The following LHPP variants were observed in gnomAD, a reference collection of about 807,000 sequenced individuals.
The protein encoded by LHPP is phospholysine phosphohistidine inorganic pyrophosphate phosphatase.
In LHPP, 24 loss-of-function variants were observed where a neutral mutation model predicts 30.3. The observed-to-expected ratio is 0.79, with a 90% CI of 0.57 to 1.11. The LOEUF (loss-of-function observed/expected upper bound fraction) is 1.11. Among genes scored for constraint, LHPP ranks in the 50% most tolerant of loss-of-function variants. LHPP has a pLI of 0.00. For missense variants in LHPP, 356 were observed against 367.2 expected (o/e 0.97, Z 0.25); for synonymous variants, 150 against 157.1 (o/e 0.95, Z 0.34).
chr10:124,508,420 G>A (rs1488927068), intron 5 of LHPP, among the ~76,000 whole-genome samples: 1 of 152,134 alleles, frequency 6.6e-6, no homozygotes, highest in Non-Finnish European at 1.5e-5. Flanking sequence ...TGGAAACTCT[G>A]TCCACCGATG....
chr10:124,503,369 A>G (rs564966339), intron 5 of LHPP, among the ~76,000 whole-genome samples: 1 of 151,928 alleles, frequency 6.6e-6, no homozygotes, highest in Non-Finnish European at 1.5e-5. Context: ...TCCGGCCTTC[A>G]TTGGTGTATT....
intron 6 of LHPP, among the ~76,000 whole-genome samples, chr10:124,524,446 T>G (rs1239089912): frequency 6.6e-6 from 1 of 151,954 alleles, no homozygotes; most frequent in Non-Finnish European, 1.5e-5. Context: ...CCAACTAATT[T>G]ATGTATTTTT....
At position 124,499,648 on chromosome 10, in the gene LHPP, CCTT is replaced by C. The variant is rs566822225; in HGVS notation, c.624+1524_624+1526del. Among the ~76,000 whole-genome samples the C allele has an allele frequency of 1.8e-3, 270 of 151,958 alleles. 3 individuals are homozygous for C. The Middle Eastern group carries it at 0.034, about 19-fold the overall frequency. ...TCCACCTGGGTGATAGAGTGAGACT[CCTT>C]CTTTAAAAAAAAGAAAAAAGAAACA... is the stretch of plus-strand genomic sequence containing the variant. On this transcript the variant is annotated intron_variant, in intron 5 of 6. Transcript: ENST00000368842.
At chr10:124,481,806 AG>A (rs1953145482) in intron 1 of LHPP, among the ~76,000 whole-genome samples, 1 of 152,200 alleles carries the variant, frequency 6.6e-6, no homozygotes, top group Non-Finnish European at 1.5e-5. Flanking sequence ...CCTGTGCGCA[AG>A]GTGGGTGGCC....
chr10:124,472,163 A>G (rs1380787985), intron 1 of LHPP, among the ~76,000 whole-genome samples: 1 of 151,022 alleles, frequency 6.6e-6, no homozygotes, highest in East Asian at 1.9e-4. Context: ...ATATACAAAA[A>G]TCAGCTGGGT....
intron 6 of LHPP, among the ~76,000 whole-genome samples, chr10:124,529,558 G>A (rs4614397): frequency 0.52 from 79,492 of 151,820 alleles, 21,491 homozygotes; most frequent in South Asian, 0.68. Flanking sequence ...CCTCATTACT[G>A]AGCAAAAATT....
rs1948890617 is a variant in LHPP, at chr10:124,592,343, G to A, written c.717-20921G>A. Among the ~76,000 whole-genome samples, 1 of 152,146 alleles carries A rather than the reference G, an allele frequency of 6.6e-6. No individual in the cohort carries two copies. Among genetic ancestry groups the A allele is most frequent in the Admixed American group, 6.5e-5 (1 of 15,276 alleles). ...ATCACCCTCACTCACCCAGCCCCGG[G>A]CTGGCCCTGTCAGCTCTCGAACTGC... On this transcript the variant is annotated intron_variant, in intron 6 of 6. Transcript: ENST00000368842. The surrounding 1 kb of genome is among the most constrained non-coding windows in gnomAD (Gnocchi z 6.2).
rs144800613 is a variant in LHPP at position 124,478,694 on chromosome 10, G to C, written c.126-5445G>C. Among the ~76,000 whole-genome samples the C allele has an allele frequency of 6.6e-6, 1 of 152,190 alleles. No individual in the cohort carries two copies. The highest frequency in any genetic ancestry group is 1.5e-5 in the Non-Finnish European group (1 of 68,040). On this transcript the variant is annotated intron_variant, in intron 1 of 6. Transcript: ENST00000368842. The surrounding 1 kb of genome is among the most constrained non-coding windows in gnomAD (Gnocchi z 4.7). The stretch of plus-strand genomic sequence containing the variant: ...TCATCTGATGCACGGTAATTGCCCC[G>C]GGCGATGTTGTCACTCAGAGGCTCG...
intron 1 of LHPP, among the ~76,000 whole-genome samples, chr10:124,468,717 G>A (rs552381318): frequency 2.6e-5 from 4 of 152,290 alleles, no homozygotes; most frequent in East Asian, 3.9e-4. Flanking sequence ...TTCGGCTCTC[G>A]GCAGACCTTG....
chr10:124,462,275 G>A (rs760083200), intron 1 of LHPP, among the ~76,000 whole-genome samples: 2 of 152,216 alleles, frequency 1.3e-5, no homozygotes, highest in Non-Finnish European at 2.9e-5. Context: ...ATTGAGATGT[G>A]CTGTAAGCGT....
rs1948387141 is a variant in LHPP, at chr10:124,561,037, T to G, written c.716+43766T>G. Among the ~76,000 whole-genome samples the G allele has an allele frequency of 2.6e-5, 4 of 152,118 alleles. No individual in the cohort carries two copies. The South Asian group carries it at 8.3e-4, about 32-fold the overall frequency. ...CAGACTGACCAGGGACCTCAGGACC[T>G]GGGGATCAGTGGAGGGGTGAATTCC... On this transcript the variant is annotated intron_variant, in intron 6 of 6. Coordinates refer to ENST00000368842, the MANE Select transcript of LHPP (RefSeq NM_022126.4).
chr10:124,468,126 A>T (rs550196738), intron 1 of LHPP, among the ~76,000 whole-genome samples: 1 of 152,160 alleles, frequency 6.6e-6, no homozygotes, highest in Non-Finnish European at 1.5e-5. Context: ...TTTTGAGCAG[A>T]TGACCCCCAC....
Position 124,559,280 on chromosome 10 carries a change from A to G in LHPP, c.716+42009A>G, listed in dbSNP as rs201249389. Among the ~76,000 whole-genome samples the G allele has an allele frequency of 1.3e-4, 20 of 152,326 alleles. No individual in the cohort carries two copies. The East Asian group carries it at 3.7e-3, about 28-fold the overall frequency. On this transcript the variant is annotated intron_variant, in intron 6 of 6. Coordinates refer to ENST00000368842, the MANE Select transcript of LHPP (RefSeq NM_022126.4). ...TCTGAAGATGAGTTTGAAGTTAGGAATGTTTGCTGAGTTGGCCTGGATATT... is the reference window on the plus strand; with the variant it reads ...TCTGAAGATGAGTTTGAAGTTAGGAGTGTTTGCTGAGTTGGCCTGGATATT...
At chr10:124,552,105 T>TG (rs1477272567) in intron 6 of LHPP, among the ~76,000 whole-genome samples, 2 of 152,078 alleles carry the variant, frequency 1.3e-5, no homozygotes, top group African/African-American at 4.8e-5. Context: ...TGGCAGGGCC[T>TG]GGCACTCCAG....
intron 6 of LHPP, among the ~76,000 whole-genome samples, chr10:124,602,658 C>T (rs529189492): frequency 3.2e-4 from 49 of 152,296 alleles, no homozygotes; most frequent in Non-Finnish European, 5.9e-4. Flanking sequence ...ACAGGTCAGC[C>T]GGGGCAGGCT....
chr10:124,468,449 C>T (rs905978897), intron 1 of LHPP, among the ~76,000 whole-genome samples: 1 of 152,196 alleles, frequency 6.6e-6, no homozygotes, highest in Non-Finnish European at 1.5e-5. Context: ...ACATCACACC[C>T]GTGATATGGG....
At chr10:124,525,643 G>A (rs1196862889) in intron 6 of LHPP, among the ~76,000 whole-genome samples, 1 of 152,224 alleles carries the variant, frequency 6.6e-6, no homozygotes, top group East Asian at 1.9e-4. Context: ...AGGTGAACAT[G>A]GGGTTTCCAG....
At chr10:124,483,157 C>T (rs1953196361) in intron 1 of LHPP, among the ~76,000 whole-genome samples, 1 of 152,194 alleles carries the variant, frequency 6.6e-6, no homozygotes, top group Admixed American at 6.5e-5. Context: ...ATGAGACCTC[C>T]AGGCTGGGTT....
At chr10:124,519,990 G>A (rs369694451) in intron 6 of LHPP, among the ~76,000 whole-genome samples, 34 of 152,022 alleles carry the variant, frequency 2.2e-4, no homozygotes, top group African/African-American at 7.7e-4. Flanking sequence ...CCACCACCAC[G>A]CCCGGCTAAT....
Sources: gnomAD v4.1 joint callset for allele counts (sites outside exome capture counted in the v4.1 genomes callset) on GRCh38, gnomAD v4.1.1 for gene constraint, Gnocchi (gnomAD v3.1) non-coding constraint, MANE v1.5 for transcripts, NCBI Gene and HGNC (gene_info 2026-07-23, HGNC 2026-07-21) for gene names.